ZGPAT: variants seen among roughly 807,000 people sequenced by gnomAD.
ZGPAT encodes the protein zinc finger CCCH-type with G patch domain-containing protein.
Under a neutral mutation model 47.9 loss-of-function variants are expected in ZGPAT, and 39 were observed. The observed-to-expected ratio is 0.81, with a 90% confidence interval of 0.63 to 1.06. The LOEUF is 1.06. Among genes scored for constraint, ZGPAT ranks in the 50% least tolerant of loss-of-function variants. The probability of loss-of-function intolerance (pLI) is 0.00; values close to 1 mark genes in which losing one functional copy is unlikely to be tolerated. For synonymous variants in ZGPAT, 348 were observed against 292.9 expected, an observed-to-expected ratio of 1.19 and a Z score of -1.92; for missense variants, 717 against 681.4, an observed-to-expected ratio of 1.05 and a Z score of -0.58.
At chr20:63,718,846 C>G (rs2091758316) in intron 2 of ZGPAT, among the ~76,000 whole-genome samples, 1 of 152,058 alleles carries the variant, frequency 6.6e-6, no homozygotes, top group African/African-American at 2.4e-5. Context: ...GTGGGCAGAT[C>G]ACGAGGTCAG....
chr20:63,728,525 C>G (rs2145681979), intron 2 of ZGPAT, among the ~76,000 whole-genome samples: 1 of 152,282 alleles, frequency 6.6e-6, no homozygotes, highest in Non-Finnish European at 1.5e-5. Context: ...TTCACTTCAC[C>G]CTGGCCTCTC....
chr20:63,729,625 T>C (rs1224366443), intron 2 of ZGPAT, among the ~76,000 whole-genome samples: 1 of 152,170 alleles, frequency 6.6e-6, no homozygotes, highest in East Asian at 1.9e-4. Context: ...TTTTGCTCCA[T>C]TGATCGATTT....
At position 63,735,239 on chromosome 20, in the gene ZGPAT, G is replaced by A. The variant is rs748976618; in HGVS notation, c.1072G>A (p.Val358Met). The A allele has an allele frequency of 1.9e-6, 3 of 1,600,834 alleles. No homozygotes were observed. The highest frequency in any genetic ancestry group is 2.6e-6 in the Non-Finnish European group (3 of 1,174,126). ...LPRGKSLDQC[V>M]ETLQKQTRVG... ...TCGAGGGAAGTCGCTGGACCAGTGT[G>A]TGGAGACCCTGCAGAAGCAGACCAG... The change falls in exon 6 of 7, where the codon GTG (valine) becomes ATG (methionine). Residue 358 changes from valine (V) to methionine (M), a missense_variant. Val to Met is a conservative substitution (Grantham distance 21). Transcript: ENST00000355969.
At chr20:63,735,082 A>C (rs1284256724) in intron 5 of ZGPAT, 77 bp from the exon 6 acceptor site, 2 of 1,446,410 alleles carry the variant, frequency 1.4e-6, no homozygotes, top group Admixed American at 5.6e-5. Context: ...TCCCGTGGCC[A>C]CAGCACTGCC....
In ZGPAT at chr20:63,733,225, C is replaced by T. The variant is rs1485050758; in HGVS notation, c.591C>T (p.Ser197=). 1 of 1,613,374 alleles carries T rather than the reference C, an allele frequency of 6.2e-7. No homozygotes were observed. The highest frequency in any genetic ancestry group is 8.5e-7 in the Non-Finnish European group (1 of 1,179,696). ...KCRFKENCRF[S]HGQVVSLDEL... is the part of the protein sequence containing the mutation. ...CTTACGGCTCTGTCTGCAGGTTCTC[C>T]CATGGGCAGGTGGTCTCTCTGGATG... Residue 197 remains serine (S), a synonymous_variant, in exon 3 of 7, where the codon TCC becomes TCT. Coordinates refer to ENST00000355969, the MANE Select transcript of ZGPAT (RefSeq NM_181485.3).
Position 63,733,623 on chromosome 20 carries a change from C to CGCT in ZGPAT, c.763_765dup (p.Leu255dup). 6.2e-7 allele frequency: 1 copy of CGCT among 1,614,112 alleles called. No homozygotes were observed. Among genetic ancestry groups the CGCT allele is most frequent in the African/African-American group, 1.3e-5 (1 of 75,072 alleles). ...GGCTACTACACAGTCAAGTTTGACT[C>CGCT]GCTGCTGCTGAGGGAGGCCGTGGTG... On this transcript the variant is annotated inframe_insertion, in exon 4 of 7. Transcript: ENST00000355969.
chr20:63,735,240 T>A lies in ZGPAT; in HGVS notation c.1073T>A (p.Val358Glu), dbSNP rs770498302. ...CGAGGGAAGTCGCTGGACCAGTGTG[T>A]GGAGACCCTGCAGAAGCAGACCAGG... ...LPRGKSLDQC[V>E]ETLQKQTRVG... is the part of the protein sequence containing the mutation. Residue 358 changes from valine to glutamate, a missense_variant, in exon 6 of 7, where the codon GTG becomes GAG. Transcript: ENST00000355969. 1 of 1,600,744 alleles carries A rather than the reference T, an allele frequency of 6.2e-7. No individual in the cohort carries two copies. Among genetic ancestry groups the A allele is most frequent in the Non-Finnish European group, 8.5e-7 (1 of 1,174,102 alleles).
chr20:63,714,986 T>C (rs2091711518), intron 2 of ZGPAT, among the ~76,000 whole-genome samples: 1 of 152,040 alleles, frequency 6.6e-6, no homozygotes, highest in Admixed American at 6.6e-5. Context: ...TAGATGATCA[T>C]GTGTGGTTTT....
At chr20:63,723,503 A>T (rs34675066) in intron 2 of ZGPAT, among the ~76,000 whole-genome samples, 1 of 74,794 alleles carries the variant, frequency 1.3e-5, no homozygotes, top group Non-Finnish European at 2.7e-5. Flanking sequence ...TTCTCCTCTG[A>T]CATAGCTCCA....
At chr20:63,725,260 A>G (rs2091833399) in intron 2 of ZGPAT, among the ~76,000 whole-genome samples, 1 of 152,230 alleles carries the variant, frequency 6.6e-6, no homozygotes, top group Non-Finnish European at 1.5e-5. Context: ...CTGGGATTAC[A>G]GGCGTGAGCC....
At chr20:63,730,970 C>CTGTG (rs139077471) in intron 2 of ZGPAT, among the ~76,000 whole-genome samples, 9 of 115,158 alleles carry the variant, frequency 7.8e-5, no homozygotes, top group South Asian at 5.2e-4. Flanking sequence ...CTCTCTCTCT[C>CTGTG]TGTGTGTGTG....
chr20:63,732,890 G>C (rs1428663309), intron 2 of ZGPAT, among the ~76,000 whole-genome samples: 1 of 151,944 alleles, frequency 6.6e-6, no homozygotes, highest in Non-Finnish European at 1.5e-5. Context: ...GCGTGTATGT[G>C]TACGTGTGTA....
intron 2 of ZGPAT, among the ~76,000 whole-genome samples, chr20:63,721,122 C>A (rs1050331924): frequency 1.3e-5 from 2 of 151,992 alleles, no homozygotes; most frequent in Non-Finnish European, 2.9e-5. Flanking sequence ...GAAGTGGAGG[C>A]GGGTGGATCA....
chr20:63,723,466 TCTC>T (rs1319184917), intron 2 of ZGPAT, among the ~76,000 whole-genome samples: 1 of 147,442 alleles, frequency 6.8e-6, no homozygotes, highest in Non-Finnish European at 1.5e-5. Flanking sequence ...CATCCTCCCT[TCTC>T]CTCTGACATA....
intron 2 of ZGPAT, among the ~76,000 whole-genome samples, chr20:63,722,581 A>G (rs2261092): frequency 0.95 from 144,072 of 152,262 alleles, 68,200 homozygotes; most frequent in East Asian, 0.99. Context: ...ATGACAATGT[A>G]CATCTTTAAC....
chr20:63,726,894 A>C (rs2091850745), intron 2 of ZGPAT, among the ~76,000 whole-genome samples: 1 of 152,148 alleles, frequency 6.6e-6, no homozygotes, highest in Non-Finnish European at 1.5e-5. Context: ...GAGATTTCAC[A>C]TATACTCCAG....
At chr20:63,708,169 G>A (rs1568778637) in intron 1 of ZGPAT, 51 bp downstream of exon 1, 1 of 152,834 alleles carries the variant, frequency 6.5e-6, no homozygotes, top group African/African-American at 2.4e-5. Context: ...GCGCGGAGGA[G>A]GTGCCCGGCC....
In ZGPAT at chr20:63,733,207, CTCTG is replaced by C; in HGVS notation, c.585-7_585-4del. 1 of 1,611,970 alleles carries C rather than the reference CTCTG, an allele frequency of 6.2e-7. No homozygotes were observed. Among genetic ancestry groups the C allele is most frequent in the Non-Finnish European group, 8.5e-7 (1 of 1,178,578 alleles). On this transcript the variant is annotated splice_region_variant and splice_polypyrimidine_tract_variant and intron_variant, in intron 2 of 6. Transcript: ENST00000355969. ...CATGTCTGAGCCCTGCCCCTTACGG[CTCTG>C]TCTGCAGGTTCTCCCATGGGCAGGT...
chr20:63,728,053 T>G (rs2091862341), intron 2 of ZGPAT, among the ~76,000 whole-genome samples: 2 of 151,188 alleles, frequency 1.3e-5, no homozygotes, highest in African/African-American at 4.9e-5. Context: ...TTTTTTTTTT[T>G]GAGATGGAGT....
Sources: allele counts gnomAD v4.1 joint callset (sites outside exome capture counted in the v4.1 genomes callset), GRCh38; gene constraint gnomAD v4.1.1; transcripts MANE v1.5; gene names NCBI Gene and HGNC (gene_info 2026-07-23, HGNC 2026-07-21).